Variants in C2CD3 observed in about 807,000 individuals in gnomAD.
The protein encoded by C2CD3 is C2 domain containing 3 centriole elongation regulator.
Under a neutral mutation model 234.0 loss-of-function variants are expected in C2CD3, and 148 were observed. That is an observed-to-expected ratio of 0.63 (90% CI 0.55 to 0.72). The LOEUF is 0.72. Ranked by LOEUF, C2CD3 falls within the 30% of genes least tolerant of loss-of-function variation. C2CD3 has a pLI of 0.00. For missense variants in C2CD3, 2,577 were observed against 2,811.5 expected, an observed-to-expected ratio of 0.92 and a Z score of 1.89; for synonymous variants, 1,000 against 1,035.4, an observed-to-expected ratio of 0.97 and a Z score of 0.66.
rs374410551 is a variant in C2CD3, at chr11:74,074,215, G to A, written c.4951+38C>T. ...TGTGAAGAAAGGAGCACACCCTGAA[G>A]AGTTAGACATGCTCCTGGGTAGGTG... On this transcript the variant is annotated intron_variant, in intron 24 of 32. Coordinates refer to ENST00000334126, the MANE Select transcript of C2CD3 (RefSeq NM_001286577.2). 36 of 1,409,004 alleles carry A rather than the reference G, an allele frequency of 2.6e-5. No individual in the cohort carries two copies. In the African/African-American group the frequency reaches 4.6e-4, roughly 18 times the overall value. 87.3% of individuals were successfully genotyped at this position (1,409,004 alleles called of 1,614,324 possible).
rs140956133 is a variant in C2CD3, at chr11:74,152,911, A to G, written c.483+8488T>C. On this transcript the variant is annotated intron_variant, in intron 3 of 32. Transcript: ENST00000334126. ...TAATTGATAAAGGACAAATATGAAA[A>G]ACCTATATCTAACATCACATTTAAT... 3.6e-3 allele frequency among the ~76,000 whole-genome samples: 541 copies of G among 152,318 alleles called. 4 individuals are homozygous for G. Among genetic ancestry groups the G allele is most frequent in the African/African-American group, 0.012 (514 of 41,564 alleles).
intron 9 of C2CD3, 50 bp downstream of exon 9, chr11:74,118,178 A>C: frequency 6.6e-7 from 1 of 1,509,796 alleles, no homozygotes; most frequent in Non-Finnish European, 9.1e-7. Flanking sequence ...ATCTTGTGAA[A>C]ATAACATTCC....
intron 7 of C2CD3, among the ~76,000 whole-genome samples, chr11:74,131,766 T>C (rs1957688740): frequency 6.6e-6 from 1 of 152,048 alleles, no homozygotes; most frequent in Non-Finnish European, 1.5e-5. Flanking sequence ...GAGACAGGGT[T>C]TCACCCTGTT....
chr11:74,106,368 T>C lies in C2CD3; in HGVS notation c.2085+3A>G, dbSNP rs761194875. 2 of 1,613,818 alleles carry C rather than the reference T, an allele frequency of 1.2e-6. No homozygotes were observed. Among genetic ancestry groups the C allele is most frequent in the African/African-American group, 1.3e-5 (1 of 74,924 alleles). On this transcript the variant is annotated splice_donor_region_variant and intron_variant, in intron 13 of 32. Coordinates refer to ENST00000334126, the MANE Select transcript of C2CD3 (RefSeq NM_001286577.2). ...CTGACTTCCTGAATGTATATCTACA[T>C]ACCTTGAGGGGGCCAAATGGAGACT...
chr11:74,039,506 T>C lies in C2CD3; in HGVS notation c.5661-1808A>G, dbSNP rs374931690. Among the ~76,000 whole-genome samples the C allele has an allele frequency of 1.2e-4, 19 of 152,340 alleles. No individual in the cohort carries two copies. In the East Asian group the frequency reaches 1.9e-3, roughly 15 times the overall value. Reference sequence around the variant, plus strand: ...AAATGCAGAGTCTCAGGCCTTATCCTAGACCTACTGAATCAGGCACTGTGT... The same window carrying C: ...AAATGCAGAGTCTCAGGCCTTATCCCAGACCTACTGAATCAGGCACTGTGT... On this transcript the variant is annotated intron_variant, in intron 29 of 32. Transcript: ENST00000334126.
At position 74,085,606 on chromosome 11, in the gene C2CD3, T is replaced by C; in HGVS notation, c.3910+12A>G. The C allele has an allele frequency of 1.9e-6, 3 of 1,613,664 alleles. No individual in the cohort carries two copies. Among genetic ancestry groups the C allele is most frequent in the Non-Finnish European group, 2.5e-6 (3 of 1,179,616 alleles). On this transcript the variant is annotated intron_variant, in intron 21 of 32. Coordinates refer to ENST00000334126, the MANE Select transcript of C2CD3 (RefSeq NM_001286577.2). ...TTTTAATTTTGATTGTGACAAGTCA[T>C]ATGGTGCTCACCTGACTTGGTATTT...
intron 23 of C2CD3, among the ~76,000 whole-genome samples, chr11:74,076,616 C>T (rs914480983): frequency 2.0e-5 from 3 of 152,162 alleles, no homozygotes; most frequent in Non-Finnish European, 2.9e-5. Context: ...ACACAGTACT[C>T]CTGCCTACCT....
chr11:74,110,817 G>A (rs1028366358), intron 11 of C2CD3, among the ~76,000 whole-genome samples: 2 of 152,142 alleles, frequency 1.3e-5, no homozygotes. Context: ...TTTTTTTCAA[G>A]AGTTGAAAGG....
Position 74,074,567 on chromosome 11 carries a change from T to C in C2CD3, c.4637A>G (p.Asn1546Ser), listed in dbSNP as rs200851757. The change falls in exon 24 of 33, where the codon AAC becomes AGC. Residue 1546 changes from asparagine to serine, a missense_variant. Physicochemically the swap from Asn to Ser is conservative, Grantham distance 46. Transcript: ENST00000334126. ...AACTCGCAAGGCAGCTCCTGAGAGGTTGGAAGCATTTCGTCCAAACAGAGG... is the reference window on the plus strand; with the variant it reads ...AACTCGCAAGGCAGCTCCTGAGAGGCTGGAAGCATTTCGTCCAAACAGAGG... ...VYPLFGRNAS[N>S]LSGAALRVHV... The C allele has an allele frequency of 2.2e-5, 36 of 1,613,684 alleles. No individual in the cohort carries two copies. The highest frequency in any genetic ancestry group is 8.0e-5 in the African/African-American group (6 of 74,902).
chr11:74,026,159 T>C (rs1366468351), intron 32 of C2CD3, among the ~76,000 whole-genome samples: 1 of 151,886 alleles, frequency 6.6e-6, no homozygotes, highest in Admixed American at 6.6e-5. Flanking sequence ...AAGAAAAAAA[T>C]TAGCTGGTTG....
intron 11 of C2CD3, among the ~76,000 whole-genome samples, chr11:74,111,723 T>C (rs1241254789): frequency 6.6e-6 from 1 of 152,086 alleles, no homozygotes; most frequent in Non-Finnish European, 1.5e-5. Flanking sequence ...TGGCCCAGGA[T>C]GGCTTTGAAT....
chr11:74,045,320 T>C (rs563530046), intron 28 of C2CD3, among the ~76,000 whole-genome samples: 1 of 152,206 alleles, frequency 6.6e-6, no homozygotes, highest in African/African-American at 2.4e-5. Context: ...AGTAGCATTG[T>C]AGTAAGCTTT....
chr11:74,044,005 G>A (rs1953220757), intron 28 of C2CD3, among the ~76,000 whole-genome samples: 1 of 151,756 alleles, frequency 6.6e-6, no homozygotes, highest in Non-Finnish European at 1.5e-5. Context: ...TTAATTTTTT[G>A]TGGAGATGGG....
chr11:74,114,955 G>C (rs1453189379), intron 9 of C2CD3, among the ~76,000 whole-genome samples: 1 of 151,986 alleles, frequency 6.6e-6, no homozygotes, highest in Non-Finnish European at 1.5e-5. Flanking sequence ...TCCTGCCTCA[G>C]CCTCCCAAAG....
intron 20 of C2CD3, among the ~76,000 whole-genome samples, chr11:74,089,889 C>T (rs1395364089): frequency 1.3e-5 from 2 of 152,132 alleles, no homozygotes; most frequent in African/African-American, 4.8e-5. Flanking sequence ...AAAGATGTTG[C>T]AAAGTCTTGA....
chr11:74,109,007 G>A, intron 12 of C2CD3, 27 bp downstream of exon 12: 1 of 1,253,846 alleles, frequency 8.0e-7, no homozygotes, highest in South Asian at 1.2e-5. Flanking sequence ...GTGAAGGTAA[G>A]GCAAAGGCCA....
At chr11:74,029,150 A>G (rs1048401628) in intron 31 of C2CD3, among the ~76,000 whole-genome samples, 16 of 152,190 alleles carry the variant, frequency 1.1e-4, no homozygotes, top group African/African-American at 3.9e-4. Context: ...TGCTGTGTTG[A>G]GAATATGGTG....
intron 26 of C2CD3, among the ~76,000 whole-genome samples, chr11:74,049,986 G>T (rs58508932): frequency 0.018 from 2,674 of 151,116 alleles, 78 homozygotes; most frequent in African/African-American, 0.063. Context: ...TTACTATGTT[G>T]CCTAGGTGGT....
chr11:74,128,066 T>G (rs990619090), intron 7 of C2CD3, among the ~76,000 whole-genome samples: 15 of 152,186 alleles, frequency 9.9e-5, no homozygotes, highest in Non-Finnish European at 2.2e-4. Flanking sequence ...GGTTTCACTG[T>G]GTTAGCCAGG....
Sources: allele counts gnomAD v4.1 joint callset (sites outside exome capture counted in the v4.1 genomes callset), GRCh38; gene constraint gnomAD v4.1.1; transcripts MANE v1.5; gene names NCBI Gene and HGNC (gene_info 2026-07-23, HGNC 2026-07-21).